Variants in STMN2 observed in about 807,000 individuals in gnomAD.
The protein encoded by STMN2 is stathmin-2.
Under a neutral mutation model 24.1 loss-of-function variants are expected in STMN2, and 2 were observed. The ratio of observed to expected loss-of-function variants is 0.08; its 90% CI spans 0.03 to 0.26. STMN2 has a LOEUF of 0.26. Ranked by LOEUF, STMN2 falls within the 10% of genes least tolerant of loss-of-function variation. STMN2 has a pLI of 1.00. For missense variants in STMN2, 114 were observed against 213.6 expected, an observed-to-expected ratio of 0.53 and a Z score of 2.91; for synonymous variants, 83 against 77.5, an observed-to-expected ratio of 1.07 and a Z score of -0.37.
At chr8:79,634,848 T>A (rs1809904915) in intron 1 of STMN2, among the ~76,000 whole-genome samples, 1 of 152,126 alleles carries the variant, frequency 6.6e-6, no homozygotes, top group Admixed American at 6.6e-5. Flanking sequence ...CTTCTGAGAA[T>A]CCTCTTTCCC....
chr8:79,621,087 A>G, intron 1 of STMN2: 1 of 939,910 alleles, frequency 1.1e-6, no homozygotes, highest in Non-Finnish European at 1.3e-6. Context: ...CTTCTCCACC[A>G]GTGCTGCTGG....
intron 1 of STMN2, among the ~76,000 whole-genome samples, chr8:79,628,209 G>C (rs146512968): frequency 0.02 from 3,032 of 151,858 alleles, 129 homozygotes; most frequent in African/African-American, 0.07. Context: ...TGTCGCCCAG[G>C]CTGGAGTACA....
chr8:79,665,215 C>G lies in STMN2; in HGVS notation c.*341C>G. On this transcript the variant is annotated 3_prime_UTR_variant, in exon 5 of 5. Transcript: ENST00000220876. ...TTCCACTCAAATGAATTTGCTAGGT[C>G]TGTTCTTTTTGAAGCTCCCCATGTC... The G allele has an allele frequency of 5.6e-6, 1 of 179,494 alleles. No homozygotes were observed. The highest frequency in any genetic ancestry group is 1.2e-5 in the Non-Finnish European group (1 of 85,844). The allele number at this position is 179,494 out of a possible 1,614,324, so 11.1% of individuals were successfully genotyped here.
chr8:79,615,672 A>G (rs983621692), intron 1 of STMN2, among the ~76,000 whole-genome samples: 9 of 152,176 alleles, frequency 5.9e-5, no homozygotes, highest in Admixed American at 2.0e-4. Flanking sequence ...CCAAATATTA[A>G]CTGTTTAATA....
Position 79,665,048 on chromosome 8 carries a change from G to C in STMN2, c.*174G>C, listed in dbSNP as rs969213851. 2 of 475,148 alleles carry C rather than the reference G, an allele frequency of 4.2e-6. No homozygotes were observed. Among genetic ancestry groups the C allele is most frequent in the Non-Finnish European group, 6.8e-6 (2 of 295,250 alleles). The allele number at this position is 475,148 out of a possible 1,614,324, so 29.4% of individuals were successfully genotyped here. ...AAAAAATCAATGCGGTCTCTTTGCA[G>C]AATGTTTTGCTTGATGTTTAAAAAA... On this transcript the variant is annotated 3_prime_UTR_variant, in exon 5 of 5. Coordinates refer to ENST00000220876, the MANE Select transcript of STMN2 (RefSeq NM_007029.4).
chr8:79,662,191 G>C (rs1382532453), intron 4 of STMN2, among the ~76,000 whole-genome samples: 2 of 151,974 alleles, frequency 1.3e-5, no homozygotes, highest in Admixed American at 1.3e-4. Context: ...CATATAAAAG[G>C]CATAGCTGCA....
chr8:79,630,266 AT>A (rs989341385), intron 1 of STMN2, among the ~76,000 whole-genome samples: 14 of 150,886 alleles, frequency 9.3e-5, no homozygotes, highest in East Asian at 3.9e-4. Context: ...AGTCATCTGA[AT>A]TTTTTTTTTA....
chr8:79,618,293 G>A (rs2130298997), intron 1 of STMN2, among the ~76,000 whole-genome samples: 1 of 152,300 alleles, frequency 6.6e-6, no homozygotes, highest in South Asian at 2.1e-4. Context: ...GGCCGTGTGG[G>A]TTGTAACGTA....
At chr8:79,622,122 G>T (rs532927996) in intron 1 of STMN2, among the ~76,000 whole-genome samples, 175 of 152,062 alleles carry the variant, frequency 1.2e-3, no homozygotes, top group African/African-American at 3.9e-3. Flanking sequence ...GTGGGCGTGG[G>T]TATCCAGTGG....
intron 1 of STMN2, chr8:79,631,456 C>T (rs1809800896): frequency 2.0e-6 from 2 of 984,582 alleles, no homozygotes; most frequent in African/African-American, 1.7e-5. Flanking sequence ...TAATTTTATT[C>T]TAAAGCAATT....
intron 4 of STMN2, among the ~76,000 whole-genome samples, chr8:79,663,243 T>C (rs563505330): frequency 1.1e-3 from 175 of 152,292 alleles, no homozygotes; most frequent in African/African-American, 4.2e-3. Flanking sequence ...AATGTTCTCC[T>C]CACTCAACAT....
chr8:79,617,636 T>C (rs1377182594), intron 1 of STMN2, among the ~76,000 whole-genome samples: 1 of 152,250 alleles, frequency 6.6e-6, no homozygotes, highest in Non-Finnish European at 1.5e-5. Flanking sequence ...GTTTTAAATG[T>C]TTAATTCTGG....
chr8:79,637,900 G>A (rs1399030375), intron 2 of STMN2, among the ~76,000 whole-genome samples: 1 of 152,124 alleles, frequency 6.6e-6, no homozygotes, highest in Non-Finnish European at 1.5e-5. Flanking sequence ...GGACTCAAAG[G>A]CATTTACCTT....
At chr8:79,648,756 C>G (rs1387283546) in intron 3 of STMN2, among the ~76,000 whole-genome samples, 4 of 151,990 alleles carry the variant, frequency 2.6e-5, no homozygotes, top group Admixed American at 6.6e-5. Flanking sequence ...AGCCACCATG[C>G]CCGGCCAATA....
chr8:79,633,473 A>G (rs1585888152), intron 1 of STMN2, among the ~76,000 whole-genome samples: 2 of 152,236 alleles, frequency 1.3e-5, no homozygotes, highest in South Asian at 4.1e-4. Context: ...AAAACAAAGT[A>G]CCATAGACTA....
intron 1 of STMN2, among the ~76,000 whole-genome samples, chr8:79,626,745 T>TC (rs1336775484): frequency 6.6e-6 from 1 of 152,042 alleles, no homozygotes; most frequent in Non-Finnish European, 1.5e-5. Flanking sequence ...CGACACACAC[T>TC]CCTATGTATG....
At chr8:79,620,009 C>T (rs2130302672) in intron 1 of STMN2, among the ~76,000 whole-genome samples, 1 of 151,638 alleles carries the variant, frequency 6.6e-6, no homozygotes, top group African/African-American at 2.4e-5. Flanking sequence ...TTTTAGAAAA[C>T]ATTCACCTGC....
At chr8:79,624,411 A>G (rs1293071289) in intron 1 of STMN2, among the ~76,000 whole-genome samples, 25 of 142,168 alleles carry the variant, frequency 1.8e-4, no homozygotes, top group Admixed American at 6.0e-4. Context: ...CCGAGATTGT[A>G]CCACTGCACT....
At chr8:79,664,141 T>C (rs944075506) in intron 4 of STMN2, among the ~76,000 whole-genome samples, 1 of 152,186 alleles carries the variant, frequency 6.6e-6, no homozygotes, top group African/African-American at 2.4e-5. Flanking sequence ...GTGAGATAAG[T>C]TTGCAGGTTA....
Sources: allele counts gnomAD v4.1 joint callset (sites outside exome capture counted in the v4.1 genomes callset), GRCh38; gene constraint gnomAD v4.1.1; transcripts MANE v1.5; gene names NCBI Gene and HGNC (gene_info 2026-07-23, HGNC 2026-07-21).